The following HTRA3 variants were observed in gnomAD, a reference collection of about 807,000 sequenced individuals.
The protein encoded by HTRA3 is HtrA serine peptidase 3.
HTRA3 carries 41 observed loss-of-function variants against 43.2 expected under a neutral mutation model. That is an observed-to-expected ratio of 0.95 (90% CI 0.74 to 1.23). The LOEUF is 1.23. Ranked by LOEUF, HTRA3 falls within the 50% of genes most tolerant of loss-of-function variation. The probability of loss-of-function intolerance (pLI) is 0.00; values close to 1 mark genes in which losing one functional copy is unlikely to be tolerated. For missense variants in HTRA3, 628 were observed against 647.1 expected (o/e 0.97, Z 0.32); for synonymous variants, 295 against 287.9 (o/e 1.02, Z -0.25).
At chr4:8,288,358 C>T (rs1165690815) in intron 3 of HTRA3, among the ~76,000 whole-genome samples, 1 of 152,148 alleles carries the variant, frequency 6.6e-6, no homozygotes, top group African/African-American at 2.4e-5. Flanking sequence ...ACCACAACCT[C>T]CGCCTCCCGG....
chr4:8,290,518 C>T (rs908775216), intron 3 of HTRA3, among the ~76,000 whole-genome samples: 6 of 152,216 alleles, frequency 3.9e-5, no homozygotes, highest in African/African-American at 1.4e-4. Flanking sequence ...GGAGACTTTC[C>T]GCCAGCTTCC....
Position 8,269,756 on chromosome 4 carries a change from C to A in HTRA3, c.-213C>A, listed in dbSNP as rs1213646359. On this transcript the variant is annotated 5_prime_UTR_variant, in exon 1 of 9. Coordinates refer to ENST00000307358, the MANE Select transcript of HTRA3 (RefSeq NM_053044.5). Reference sequence around the variant, plus strand: ...GCGGGACCCGCCGCCCGCGGACCGTCAGGCTGGAGGGAGCTGGTCCCTGCG... The same window carrying A: ...GCGGGACCCGCCGCCCGCGGACCGTAAGGCTGGAGGGAGCTGGTCCCTGCG... 6.4e-6 allele frequency: 1 copy of A among 156,606 alleles called. No individual in the cohort carries two copies. The highest frequency in any genetic ancestry group is 2.4e-5 in the African/African-American group (1 of 41,490). The allele number at this position is 156,606 out of a possible 1,614,324, so 9.7% of individuals were successfully genotyped here. A position where few individuals can be genotyped will look rare whatever the true frequency, so the allele number is the denominator to read the frequency against.
At chr4:8,283,906 T>G (rs1712856301) in intron 2 of HTRA3, among the ~76,000 whole-genome samples, 2 of 152,200 alleles carry the variant, frequency 1.3e-5, no homozygotes, top group South Asian at 4.1e-4. Flanking sequence ...GCCTCCCTGC[T>G]GGCTGGCTCG....
At chr4:8,275,546 T>C (rs976676590) in intron 1 of HTRA3, among the ~76,000 whole-genome samples, 2 of 152,180 alleles carry the variant, frequency 1.3e-5, no homozygotes, top group Non-Finnish European at 2.9e-5. Flanking sequence ...GAGAGAGGGC[T>C]AGATCAGGAG....
At chr4:8,273,737 C>A (rs1225860167) in intron 1 of HTRA3, among the ~76,000 whole-genome samples, 2 of 152,108 alleles carry the variant, frequency 1.3e-5, no homozygotes, top group Non-Finnish European at 2.9e-5. Flanking sequence ...TCCCTCCGCC[C>A]CTCATTCCCC....
Position 8,302,648 on chromosome 4 carries a change from G to A in HTRA3, c.1100+137G>A, listed in dbSNP as rs955364631. ...GGCCGATGCACTCAGGCCTCTGACC[G>A]TTGCTCAGGCCAGTCCTTTTGCGTG... On this transcript the variant is annotated intron_variant, in intron 7 of 8. Transcript: ENST00000307358. 56 of 776,130 alleles carry A rather than the reference G, an allele frequency of 7.2e-5. No homozygotes were observed. In the South Asian group the frequency reaches 7.7e-4, roughly 11 times the overall value. The allele number at this position is 776,130 out of a possible 1,614,324, so 48.1% of individuals were successfully genotyped here. A position where few individuals can be genotyped will look rare whatever the true frequency, so the allele number is the denominator to read the frequency against.
intron 1 of HTRA3, among the ~76,000 whole-genome samples, chr4:8,273,214 G>A (rs914278898): frequency 6.6e-6 from 1 of 152,196 alleles, no homozygotes; most frequent in African/African-American, 2.4e-5. Context: ...GGGTGGCAGG[G>A]CCCCTGAGGC....
intron 1 of HTRA3, among the ~76,000 whole-genome samples, chr4:8,277,558 G>T (rs1712578421): frequency 6.6e-6 from 1 of 152,232 alleles, no homozygotes; most frequent in South Asian, 2.1e-4. Context: ...AGGCGCTGCT[G>T]GCCTGGGCCC....
chr4:8,302,647 C>A (rs183571020), intron 7 of HTRA3, 136 bp downstream of exon 7: 3 of 783,792 alleles, frequency 3.8e-6, no homozygotes, highest in East Asian at 5.2e-5. Flanking sequence ...GGCCTCTGAC[C>A]GTTGCTCAGG....
At chr4:8,302,331 C>A in intron 6 of HTRA3, 132 bp from the exon 7 acceptor site, 3 of 800,802 alleles carry the variant, frequency 3.7e-6, no homozygotes, top group Non-Finnish European at 4.3e-6. Context: ...GGGGACTGGG[C>A]CAGCTCAAGC....
chr4:8,286,450 C>T lies in HTRA3; in HGVS notation c.486-111C>T. 1.2e-6 allele frequency: 1 copy of T among 866,350 alleles called. No individual in the cohort carries two copies. The highest frequency in any genetic ancestry group is 1.9e-5 in the Admixed American group (1 of 53,108). The allele number at this position is 866,350 out of a possible 1,614,324, so 53.7% of individuals were successfully genotyped here. ...GCTTGAGGGACTCCAGACCTGTGTT[C>T]TGTCAGCCACACACTGGCTCTGCTC... On this transcript the variant is annotated intron_variant, in intron 2 of 8. Transcript: ENST00000307358. This position sits in a 1 kb window ranked among gnomAD's most constrained non-coding sequence, Gnocchi z 4.9.
intron 1 of HTRA3, among the ~76,000 whole-genome samples, chr4:8,277,001 G>A (rs1020961822): frequency 1.3e-5 from 2 of 152,206 alleles, no homozygotes; most frequent in East Asian, 1.9e-4. Flanking sequence ...TGCCCAAATC[G>A]GGTCCCGCCT....
chr4:8,282,574 G>A (rs1712796997), intron 2 of HTRA3, 38 bp downstream of exon 2: 1 of 1,502,394 alleles, frequency 6.7e-7, no homozygotes, highest in Non-Finnish European at 9.2e-7. Flanking sequence ...GCCTCCTGGT[G>A]TCCCCTGGTA....
chr4:8,275,920 T>C (rs1021533749), intron 1 of HTRA3, among the ~76,000 whole-genome samples: 1 of 152,242 alleles, frequency 6.6e-6, no homozygotes, highest in South Asian at 2.1e-4. Flanking sequence ...GGCAGGCCCC[T>C]AGCAGCTCGA....
chr4:8,293,222 C>T (rs925148543), intron 5 of HTRA3, among the ~76,000 whole-genome samples: 1 of 152,138 alleles, frequency 6.6e-6, no homozygotes, highest in African/African-American at 2.4e-5. Flanking sequence ...TGAGGCCGTG[C>T]CCTGGTTTCA....
intron 2 of HTRA3, among the ~76,000 whole-genome samples, chr4:8,283,186 T>A (rs1712825566): frequency 6.6e-6 from 1 of 152,062 alleles, no homozygotes; most frequent in Non-Finnish European, 1.5e-5. Flanking sequence ...AGGGAGGGAA[T>A]GAGTGAGTGT....
At position 8,270,088 on chromosome 4, in the gene HTRA3, C is replaced by A. The variant is rs761789076; in HGVS notation, c.120C>A (p.Pro40=). 1 of 1,530,182 alleles carries A rather than the reference C, an allele frequency of 6.5e-7. No homozygotes were observed. Among genetic ancestry groups the A allele is most frequent in the Non-Finnish European group, 8.7e-7 (1 of 1,150,190 alleles). The allele number at this position is 1,530,182 out of a possible 1,614,324, so 94.8% of individuals were successfully genotyped here. The change falls in exon 1 of 9, where the codon CCC becomes CCA. Residue 40 remains proline (P), a synonymous_variant. Transcript: ENST00000307358. The part of the protein sequence containing the change: ...DVSRCPSPRC[P]GGYVPDLCNC... ...CGCGGTGTCCCAGCCCCCGCTGCCCCGGCGGCTACGTGCCCGACCTCTGCA... is the reference window on the plus strand; with the variant it reads ...CGCGGTGTCCCAGCCCCCGCTGCCCAGGCGGCTACGTGCCCGACCTCTGCA...
At chr4:8,300,136 G>A (rs1713585466) in intron 6 of HTRA3, among the ~76,000 whole-genome samples, 2 of 152,268 alleles carry the variant, frequency 1.3e-5, no homozygotes, top group African/African-American at 2.4e-5. Context: ...CACTATGCCC[G>A]GCTGTATTAT....
rs530184542 is a variant in HTRA3, at chr4:8,286,844, A to G, written c.708+61A>G. ...GGGCTGGGCATGGTGGCCTCTTCCC[A>G]GACGCCGGAACCCAGAGGCAAGCTA... On this transcript the variant is annotated intron_variant, in intron 3 of 8. Transcript: ENST00000307358. The surrounding 1 kb of genome is among the most constrained non-coding windows in gnomAD (Gnocchi z 4.9). 19 of 1,329,036 alleles carry G rather than the reference A, an allele frequency of 1.4e-5. No individual in the cohort carries two copies. The East Asian group carries it at 4.7e-4, about 33-fold the overall frequency. 82.3% of individuals were successfully genotyped at this position (1,329,036 alleles called of 1,614,324 possible). A position where few individuals can be genotyped will look rare whatever the true frequency, so the allele number is the denominator to read the frequency against.
Sources: allele counts gnomAD v4.1 joint callset (sites outside exome capture counted in the v4.1 genomes callset), GRCh38; gene constraint gnomAD v4.1.1; non-coding constraint Gnocchi (gnomAD v3.1); transcripts MANE v1.5; gene names NCBI Gene and HGNC (gene_info 2026-07-23, HGNC 2026-07-21).